Variants in WDR11 observed in about 807,000 individuals in gnomAD.
WDR11 encodes WD repeat domain 11.
Under a neutral mutation model 151.2 loss-of-function variants are expected in WDR11, and 83 were observed. That is an observed-to-expected ratio of 0.55 (90% CI 0.46 to 0.66). The LOEUF (loss-of-function observed/expected upper bound fraction) is 0.66, where lower values mean the gene tolerates loss of function less well. Among genes scored for constraint, WDR11 ranks in the 30% least tolerant of loss-of-function variants. WDR11 has a pLI of 0.00. For missense variants in WDR11, 1,301 were observed against 1,480.9 expected (o/e 0.88, Z 1.99); for synonymous variants, 484 against 533.1 (o/e 0.91, Z 1.27).
intron 3 of WDR11, 54 bp downstream of exon 3, chr10:120,858,850 T>TTTTGGG: frequency 6.2e-7 from 1 of 1,607,902 alleles, no homozygotes; most frequent in South Asian, 1.1e-5. Flanking sequence ...ACTCTTGGAG[T>TTTTGGG]GGTTTTTTGG....
chr10:120,904,585 T>C (rs1368804562), intron 24 of WDR11, 61 bp from the exon 25 acceptor site: 2 of 1,602,312 alleles, frequency 1.2e-6, no homozygotes, highest in Non-Finnish European at 1.7e-6. Context: ...CCTTATGAAT[T>C]TTAAAAAGTT....
chr10:120,890,580 A>G lies in WDR11; in HGVS notation c.2344-136A>G. On this transcript the variant is annotated intron_variant, in intron 18 of 28. Transcript: ENST00000263461. ...TTAAAATGCTGCCTATTTGTGGAAG[A>G]TAGATTGCCAGAGGCTGTTCAGTTC... The G allele has an allele frequency of 4.2e-6, 4 of 944,068 alleles. No individual in the cohort carries two copies. In the South Asian group the frequency reaches 5.3e-5, roughly 12 times the overall value. 58.5% of individuals were successfully genotyped at this position (944,068 alleles called of 1,614,324 possible).
At chr10:120,884,253 C>CTT (rs1847133047) in intron 14 of WDR11, among the ~76,000 whole-genome samples, 1 of 152,062 alleles carries the variant, frequency 6.6e-6, no homozygotes, top group Non-Finnish European at 1.5e-5. Flanking sequence ...ATTAGTACAT[C>CTT]TTACAAAACC....
chr10:120,896,677 G>A (rs970870839), intron 19 of WDR11, among the ~76,000 whole-genome samples: 6 of 152,178 alleles, frequency 3.9e-5, no homozygotes, highest in Non-Finnish European at 8.8e-5. Flanking sequence ...TAATTCTGAA[G>A]CTGTTTTGTG....
Position 120,858,680 on chromosome 10 carries a change from G to T in WDR11, c.236G>T (p.Gly79Val). 1.1e-5 allele frequency: 17 copies of T among 1,614,188 alleles called. No individual in the cohort carries two copies. Among genetic ancestry groups the T allele is most frequent in the Non-Finnish European group, 1.4e-5 (17 of 1,180,042 alleles). ...WARENYHHNI[G>V]SPYCLRLASA... ...AGGGAAAACTATCACCATAACATTG[G>T]CTCACCATATTGCTTACGGTTAGCT... The change falls in exon 3 of 29, where the codon GGC becomes GTC. Residue 79 changes from glycine to valine, a missense_variant. By Grantham distance (109) the Gly-to-Val change is moderately radical (BLOSUM62 -3). Coordinates refer to ENST00000263461, the MANE Select transcript of WDR11 (RefSeq NM_018117.12).
chr10:120,851,492 G>A lies in WDR11; in HGVS notation c.72G>A (p.Lys24=), dbSNP rs1425392625. The A allele has an allele frequency of 6.2e-7, 1 of 1,611,610 alleles. No individual in the cohort carries two copies. Among genetic ancestry groups the A allele is most frequent in the East Asian group, 2.2e-5 (1 of 44,824 alleles). Reference sequence around the variant, plus strand: ...CGGGGGCCCTCAACGCCCACAACAAGGCGGCGGTGGACTGGTGAGGACGCC... The same window carrying A: ...CGGGGGCCCTCAACGCCCACAACAAAGCGGCGGTGGACTGGTGAGGACGCC... ...TLTGALNAHN[K]AAVDWGWQGL... is the part of the protein sequence containing the mutation. The change falls in exon 1 of 29, where the codon AAG becomes AAA. Residue 24 remains lysine, a synonymous_variant. Transcript: ENST00000263461.
chr10:120,879,698 A>G (rs1224550051), intron 12 of WDR11: 3 of 152,220 alleles, frequency 2.0e-5, no homozygotes, highest in Admixed American at 6.5e-5. Context: ...GGAGGGCAGC[A>G]GACTAGTGCA....
In WDR11 at chr10:120,859,394, A is replaced by G. The variant is rs192080812; in HGVS notation, c.352+598A>G. Among the ~76,000 whole-genome samples the G allele has an allele frequency of 7.5e-3, 1,135 of 150,814 alleles. 11 individuals are homozygous for G. Among genetic ancestry groups the G allele is most frequent in the African/African-American group, 0.026 (1,065 of 40,934 alleles). ...GCCATTCTCCTGCCTCAGCCTCCCG[A>G]GTAGCTGGGACCACAGGCACACACC... On this transcript the variant is annotated intron_variant, in intron 3 of 28. Transcript: ENST00000263461.
intron 11 of WDR11, among the ~76,000 whole-genome samples, chr10:120,875,206 AT>A (rs1383700897): frequency 1.3e-5 from 2 of 152,228 alleles, no homozygotes; most frequent in Admixed American, 6.5e-5. Flanking sequence ...AGGACTGCTT[AT>A]GACAAATTCA....
In WDR11 at chr10:120,904,120, A is replaced by G; in HGVS notation, c.3005A>G (p.Asp1002Gly). 6.2e-7 allele frequency: 1 copy of G among 1,613,330 alleles called. No homozygotes were observed. The highest frequency in any genetic ancestry group is 1.7e-4 in the Middle Eastern group (1 of 6,052). ...TATGATCATACAAGGAAATGTACAG[A>G]CCAGCTACTGCTCTTGGGTCAAGTA... The part of the protein sequence containing the change: ...STYDHTRKCT[D>G]QLLLLGQTDR... Residue 1002 changes from aspartate to glycine, a missense_variant, in exon 24 of 29, where the codon GAC (aspartate) becomes GGC (glycine). By Grantham distance (94) the Asp-to-Gly change is moderately conservative (BLOSUM62 -1). Transcript: ENST00000263461.
At chr10:120,898,428 C>T (rs1847691204) in intron 19 of WDR11, among the ~76,000 whole-genome samples, 1 of 152,152 alleles carries the variant, frequency 6.6e-6, no homozygotes, top group Admixed American at 6.5e-5. Context: ...ATTAGACAAA[C>T]ATTCATTTCC....
intron 8 of WDR11, 59 bp from the exon 9 acceptor site, chr10:120,867,007 C>A: frequency 1.5e-6 from 2 of 1,376,736 alleles, no homozygotes; most frequent in Non-Finnish European, 2.1e-6. Context: ...ACTTTGAATT[C>A]CTAATACGTA....
In WDR11 at chr10:120,885,939, G is replaced by C. The variant is rs1287037543; in HGVS notation, c.1973+1G>C. On this transcript the variant is annotated splice_donor_variant, in intron 15 of 28. Transcript: ENST00000263461. LOFTEE classifies it high-confidence loss of function. ...GTATTGTTGAATCATCTGTGATCAG[G>C]TACAGTACAGTGTTTCTTGACACTG... 6.2e-7 allele frequency: 1 copy of C among 1,613,072 alleles called. No homozygotes were observed. The highest frequency in any genetic ancestry group is 8.5e-7 in the Non-Finnish European group (1 of 1,179,570).
At chr10:120,907,808 CT>C (rs33999355) in intron 28 of WDR11, 107 of 138,786 alleles carry the variant, frequency 7.7e-4, no homozygotes, top group East Asian at 1.7e-3. Context: ...TTGTGCCTGG[CT>C]TTTTTTTTTT....
chr10:120,860,228 G>A lies in WDR11; in HGVS notation c.472G>A (p.Ala158Thr), dbSNP rs565603233. The A allele has an allele frequency of 1.9e-6, 3 of 1,614,142 alleles. No homozygotes were observed. The highest frequency in any genetic ancestry group is 2.5e-6 in the Non-Finnish European group (3 of 1,180,036). ...TGTKLWKKSYADNILSFSFDP... is the reference protein window; with the variant it reads ...TGTKLWKKSYTDNILSFSFDP... ...CACCAAACTATGGAAGAAGAGCTATGCAGATAACATTCTTTCTTTTTCTTT... is the reference window on the plus strand; with the variant it reads ...CACCAAACTATGGAAGAAGAGCTATACAGATAACATTCTTTCTTTTTCTTT... Residue 158 changes from alanine (A) to threonine (T), a missense_variant, in exon 4 of 29, where the codon GCA becomes ACA. By Grantham distance (58) the Ala-to-Thr change is moderately conservative (BLOSUM62 0). Around this residue, in one of 3 missense-constraint regions of WDR11, gnomAD observed 692 missense variants for 762.5 expected, o/e 0.91. Transcript: ENST00000263461.
chr10:120,886,557 A>T, intron 15 of WDR11, 132 bp from the exon 16 acceptor site: 1 of 1,093,052 alleles, frequency 9.1e-7, no homozygotes, highest in Non-Finnish European at 1.3e-6. Flanking sequence ...GGCAAATATT[A>T]GTTTCAGACT....
chr10:120,902,534 G>C (rs780090707), intron 22 of WDR11, among the ~76,000 whole-genome samples: 9 of 152,002 alleles, frequency 5.9e-5, no homozygotes, highest in Non-Finnish European at 1.2e-4. Flanking sequence ...TCTCTGGAAA[G>C]CACTTCCTCC....
rs1334096431 is a variant in WDR11 at position 120,904,785 on chromosome 10, A to G, written c.3167A>G (p.Asn1056Ser). 11 of 1,614,080 alleles carry G rather than the reference A, an allele frequency of 6.8e-6. No individual in the cohort carries two copies. The highest frequency in any genetic ancestry group is 1.3e-5 in the African/African-American group (1 of 74,928). ...SQSTIKLVAT[N>S]MIANGKLAEG... ...AGCACCATTAAGTTGGTGGCAACGA[A>G]TATGATTGCCAATGGCAAATTGGCA... is the stretch of plus-strand genomic sequence containing the variant. The change falls in exon 25 of 29, where the codon AAT becomes AGT. Residue 1056 changes from asparagine (N) to serine (S), a missense_variant. Physicochemically the swap from Asn to Ser is conservative, Grantham distance 46 (BLOSUM62 1). Coordinates refer to ENST00000263461, the MANE Select transcript of WDR11 (RefSeq NM_018117.12).
chr10:120,866,793 GT>G, intron 8 of WDR11, 29 bp downstream of exon 8: 1 of 1,612,836 alleles, frequency 6.2e-7, no homozygotes, highest in Non-Finnish European at 8.5e-7. Flanking sequence ...TCATGGTTTT[GT>G]TTTTTGTTTC....
Sources: gnomAD v4.1 joint callset for allele counts (sites outside exome capture counted in the v4.1 genomes callset) on GRCh38, gnomAD v4.1.1 for gene constraint, gnomAD v4.1.1 regional missense constraint, MANE v1.5 for transcripts, NCBI Gene and HGNC (gene_info 2026-07-23, HGNC 2026-07-21) for gene names.